The following MALRD1 variants were observed in gnomAD, a reference collection of about 807,000 sequenced individuals.
The protein encoded by MALRD1 is MAM and LDL receptor class A domain containing 1.
MALRD1 carries 247 observed loss-of-function variants against 242.1 expected under a neutral mutation model. The observed-to-expected ratio is 1.02, with a 90% CI of 0.92 to 1.13. The LOEUF (loss-of-function observed/expected upper bound fraction) is 1.13, where lower values mean the gene tolerates loss of function less well. Among genes scored for constraint, MALRD1 ranks in the 50% most tolerant of loss-of-function variants. The pLI is 0.00. For missense variants in MALRD1, 2,989 were observed against 2,533.1 expected (o/e 1.18, Z -3.86); for synonymous variants, 995 against 866.6 (o/e 1.15, Z -2.60).
chr10:19,373,828 T>C (rs1845489098), intron 26 of MALRD1, among the ~76,000 whole-genome samples: 2 of 152,182 alleles, frequency 1.3e-5, no homozygotes, highest in Admixed American at 6.5e-5. Flanking sequence ...AGGCTTTAAC[T>C]TGGAAACTGA....
chr10:19,315,640 A>G (rs1308696808), intron 21 of MALRD1, among the ~76,000 whole-genome samples: 1 of 127,832 alleles, frequency 7.8e-6, no homozygotes, highest in Non-Finnish European at 1.6e-5. Context: ...TATTATTTAT[A>G]TAAATATATA....
chr10:19,199,210 G>C (rs1436516412), intron 14 of MALRD1, among the ~76,000 whole-genome samples: 11 of 152,178 alleles, frequency 7.2e-5, no homozygotes, highest in African/African-American at 2.7e-4. Context: ...AGTCAATGTG[G>C]TGGACTTAAC....
In MALRD1 at chr10:19,584,819, G is replaced by A. The variant is rs367757859; in HGVS notation, c.5681-10375G>A. On this transcript the variant is annotated intron_variant, in intron 33 of 39. Coordinates refer to ENST00000454679, the MANE Select transcript of MALRD1 (RefSeq NM_001142308.3). ...CTTGTTGATCTGTCTAATGTTGACA[G>A]TGGGGTGTTAAAGTCTCCCATTATT... is the stretch of plus-strand genomic sequence containing the variant. 9.2e-5 allele frequency among the ~76,000 whole-genome samples: 14 copies of A among 152,196 alleles called. No homozygotes were observed. The East Asian group carries it at 2.3e-3, about 25-fold the overall frequency.
At chr10:19,589,183 A>G (rs1259777945) in intron 33 of MALRD1, among the ~76,000 whole-genome samples, 2 of 152,190 alleles carry the variant, frequency 1.3e-5, no homozygotes, top group African/African-American at 4.8e-5. Context: ...TCCAAGATAG[A>G]TAGATAGATA....
intron 24 of MALRD1, among the ~76,000 whole-genome samples, chr10:19,337,122 G>A (rs577902942): frequency 1.5e-4 from 23 of 151,984 alleles, no homozygotes; most frequent in Admixed American, 4.6e-4. Context: ...ATATGTATAT[G>A]TAAGTAAACT....
chr10:19,427,414 A>C (rs576577430), intron 28 of MALRD1, among the ~76,000 whole-genome samples: 1 of 152,344 alleles, frequency 6.6e-6, no homozygotes, highest in Admixed American at 6.5e-5. Flanking sequence ...AGCAGTTAAA[A>C]TGTCCAGATA....
rs56931838 is a variant in MALRD1 at position 19,334,119 on chromosome 10, G to GTTTTTTT, written c.3901+2554_3901+2560dup. ...GGTTGTCTGTTTACTCTGTTGGTAG[G>GTTTTTTT]TTTTTTTTTTTTTTTTTTTTTTTCT... On this transcript the variant is annotated intron_variant, in intron 24 of 39. Transcript: ENST00000454679. 7.4e-3 allele frequency among the ~76,000 whole-genome samples: 492 copies of GTTTTTTT among 66,742 alleles called. 3 individuals carry two copies. Among genetic ancestry groups the GTTTTTTT allele is most frequent in the Non-Finnish European group, 8.7e-3 (324 of 37,220 alleles). The allele number at this position is 66,742 out of a possible 152,430, so 43.8% of individuals were successfully genotyped here. A position where few individuals can be genotyped will look rare whatever the true frequency, so the allele number is the denominator to read the frequency against.
At chr10:19,572,323 A>G (rs1017623378) in intron 33 of MALRD1, among the ~76,000 whole-genome samples, 3 of 152,176 alleles carry the variant, frequency 2.0e-5, no homozygotes, top group Admixed American at 2.0e-4. Flanking sequence ...TTTTACTTCT[A>G]TCATTTGAAA....
intron 29 of MALRD1, among the ~76,000 whole-genome samples, chr10:19,486,999 A>G (rs1453965432): frequency 6.6e-6 from 1 of 152,134 alleles, no homozygotes; most frequent in Non-Finnish European, 1.5e-5. Context: ...CGGCCTTCAT[A>G]GGATCTTTCA....
intron 19 of MALRD1, among the ~76,000 whole-genome samples, chr10:19,268,880 T>C (rs1041065850): frequency 1.3e-5 from 2 of 152,156 alleles, no homozygotes; most frequent in African/African-American, 2.4e-5. Context: ...CTGAGTCCAT[T>C]TGGAGCCTGA....
chr10:19,165,195 G>A, intron 12 of MALRD1, among the ~76,000 whole-genome samples: 1 of 139,142 alleles, frequency 7.2e-6, no homozygotes. Flanking sequence ...ACACATCTGG[G>A]AGAAAGGAGA....
chr10:19,328,771 A>C (rs1843241086), intron 23 of MALRD1, among the ~76,000 whole-genome samples: 1 of 152,158 alleles, frequency 6.6e-6, no homozygotes, highest in Admixed American at 6.6e-5. Flanking sequence ...GGATATGCAT[A>C]AGAAGGAAGT....
chr10:19,725,231 G>A (rs964916788), intron 38 of MALRD1, among the ~76,000 whole-genome samples: 1 of 152,132 alleles, frequency 6.6e-6, no homozygotes, highest in African/African-American at 2.4e-5. Context: ...CACAAGCCGT[G>A]GGAGGGACCT....
At chr10:19,689,045 A>C (rs928701888) in intron 36 of MALRD1, among the ~76,000 whole-genome samples, 1 of 152,230 alleles carries the variant, frequency 6.6e-6, no homozygotes, top group Non-Finnish European at 1.5e-5. Context: ...TGCACTAAAA[A>C]TATATATTTA....
intron 36 of MALRD1, among the ~76,000 whole-genome samples, chr10:19,688,049 A>C (rs971545063): frequency 1.3e-5 from 2 of 152,052 alleles, no homozygotes; most frequent in African/African-American, 4.8e-5. Context: ...GAGTCACTGC[A>C]AACTCCGCCT....
chr10:19,124,935 C>CTTTTTTTTTTTT lies in MALRD1; in HGVS notation c.943+282_943+293dup, dbSNP rs1173453764. On this transcript the variant is annotated intron_variant, in intron 7 of 39. Transcript: ENST00000454679. ...CGTGTGAACAAAAAGTATTAAAAGGCTTTTTTTTTTTTTTTTTTTTTTTTT... is the reference window on the plus strand; with the variant it reads ...CGTGTGAACAAAAAGTATTAAAAGGCTTTTTTTTTTTTTTTTTTTTTTTTTTTTTTTTTTTTT... Among the ~76,000 whole-genome samples, 3 of 52,590 alleles carry CTTTTTTTTTTTT rather than the reference C, an allele frequency of 5.7e-5. 1 individual carries two copies. The highest frequency in any genetic ancestry group is 3.5e-4 in the Admixed American group (1 of 2,838). 34.5% of individuals were successfully genotyped at this position (52,590 alleles called of 152,430 possible).
chr10:19,561,303 T>A (rs1835952193), intron 32 of MALRD1, among the ~76,000 whole-genome samples: 1 of 152,184 alleles, frequency 6.6e-6, no homozygotes. Context: ...ATTCTGCTGT[T>A]TCTGGGTGAA....
intron 38 of MALRD1, among the ~76,000 whole-genome samples, chr10:19,729,794 T>C (rs1333284013): frequency 1.7e-5 from 2 of 117,744 alleles, no homozygotes; most frequent in African/African-American, 6.5e-5. Flanking sequence ...TGGAGTGCAG[T>C]GGCGCGATCT....
chr10:19,596,501 C>T (rs1039933539), intron 34 of MALRD1, among the ~76,000 whole-genome samples: 4 of 151,978 alleles, frequency 2.6e-5, no homozygotes, highest in Admixed American at 1.3e-4. Context: ...AGGCCGAGAT[C>T]GGAGGATCCC....
Sources: gnomAD v4.1 joint callset for allele counts (sites outside exome capture counted in the v4.1 genomes callset) on GRCh38, gnomAD v4.1.1 for gene constraint, MANE v1.5 for transcripts, NCBI Gene and HGNC (gene_info 2026-07-23, HGNC 2026-07-21) for gene names.